Variants in CTXND1 observed in about 807,000 individuals in gnomAD.
CTXND1 encodes the protein cortexin domain-containing 1 protein.
At chr15:80,224,427 G>A (rs1484186072) in intron 1 of CTXND1, among the ~76,000 whole-genome samples, 3 of 152,178 alleles carry the variant, frequency 2.0e-5, no homozygotes, top group Non-Finnish European at 4.4e-5. Flanking sequence ...CTATTCCATT[G>A]TCCTTCTTTT....
At position 80,196,384 on chromosome 15, in the gene CTXND1, C is replaced by T. The variant is rs1189459293; in HGVS notation, c.*5386G>A. On this transcript the variant is annotated 3_prime_UTR_variant, in exon 3 of 3. Coordinates refer to ENST00000560778, the MANE Select transcript of CTXND1 (RefSeq NM_001352888.2). The stretch of plus-strand genomic sequence containing the variant: ...GTGGATGAAGATTTGGGTCATTCCA[C>T]CAGATAAAATTCTCCAACAGCTAAG... 6.6e-6 allele frequency: 1 copy of T among 152,156 alleles called. No homozygotes were observed. Among genetic ancestry groups the T allele is most frequent in the Non-Finnish European group, 1.5e-5 (1 of 68,044 alleles). The allele number at this position is 152,156 out of a possible 1,614,324, so 9.4% of individuals were successfully genotyped here. A position where few individuals can be genotyped will look rare whatever the true frequency, so the allele number is the denominator to read the frequency against.
At chr15:80,234,120 C>T (rs1025372199) in intron 1 of CTXND1, among the ~76,000 whole-genome samples, 3 of 152,174 alleles carry the variant, frequency 2.0e-5, no homozygotes, top group African/African-American at 7.2e-5. Context: ...GGACTAGGTC[C>T]TTTGTGTGCA....
At chr15:80,223,121 C>T (rs1207725840) in intron 1 of CTXND1, among the ~76,000 whole-genome samples, 1 of 152,066 alleles carries the variant, frequency 6.6e-6, no homozygotes, top group Non-Finnish European at 1.5e-5. Context: ...TCTTGTTGCC[C>T]AGGCTGGAAT....
chr15:80,235,943 G>A (rs1324325072), intron 1 of CTXND1, among the ~76,000 whole-genome samples: 3 of 149,234 alleles, frequency 2.0e-5, no homozygotes, highest in Middle Eastern at 3.4e-3. Context: ...AAGAGTGTCG[G>A]GTTCCTAGTC....
At position 80,219,648 on chromosome 15, in the gene CTXND1, G is replaced by A. The variant is rs143370186; in HGVS notation, c.-217-15908C>T. On this transcript the variant is annotated intron_variant, in intron 1 of 2. Coordinates refer to ENST00000560778, the MANE Select transcript of CTXND1 (RefSeq NM_001352888.2). ...ATTCCTAATCTCACAGTCACCAGCA[G>A]TACCTGGGAGCTCCTGCCACTTCAT... 5.9e-5 allele frequency among the ~76,000 whole-genome samples: 9 copies of A among 152,274 alleles called. No homozygotes were observed. The East Asian group carries it at 1.7e-3, about 29-fold the overall frequency.
intron 1 of CTXND1, among the ~76,000 whole-genome samples, chr15:80,235,441 C>G (rs1893484526): frequency 6.6e-6 from 1 of 152,194 alleles, no homozygotes; most frequent in South Asian, 2.1e-4. Flanking sequence ...GGCTTAGCAT[C>G]TCCGAAAGAG....
intron 1 of CTXND1, among the ~76,000 whole-genome samples, chr15:80,210,228 G>A (rs1010500146): frequency 6.6e-6 from 1 of 152,188 alleles, no homozygotes; most frequent in African/African-American, 2.4e-5. Context: ...TGGGGGCAAG[G>A]TGGGCATGAG....
chr15:80,247,053 G>T (rs371736165), intron 1 of CTXND1, among the ~76,000 whole-genome samples: 27 of 152,160 alleles, frequency 1.8e-4, no homozygotes, highest in African/African-American at 6.0e-4. Flanking sequence ...TTTTACCCAT[G>T]AGAAAATTGA....
intron 1 of CTXND1, among the ~76,000 whole-genome samples, chr15:80,228,635 A>ATTTTTTTT (rs1444456548): frequency 2.0e-5 from 1 of 49,708 alleles, no homozygotes; most frequent in Non-Finnish European, 3.9e-5. Context: ...AAAATCTGAA[A>ATTTTTTTT]CTTTTTTTTT....
chr15:80,218,958 G>A (rs749841435), intron 1 of CTXND1, among the ~76,000 whole-genome samples: 1 of 150,672 alleles, frequency 6.6e-6, no homozygotes, highest in East Asian at 1.9e-4. Context: ...TTGAGACAGG[G>A]TCTTGTGCTG....
intron 1 of CTXND1, among the ~76,000 whole-genome samples, chr15:80,217,620 C>T (rs1893267852): frequency 6.6e-6 from 1 of 151,986 alleles, no homozygotes; most frequent in Admixed American, 6.6e-5. Context: ...AATCTCAGCT[C>T]ACTGCAAGTT....
chr15:80,224,666 T>C (rs981360588), intron 1 of CTXND1, among the ~76,000 whole-genome samples: 1 of 152,206 alleles, frequency 6.6e-6, no homozygotes, highest in East Asian at 1.9e-4. Context: ...ATCTTAGCAA[T>C]ATCAAGTGAC....
At chr15:80,228,087 C>T (rs1049252402) in intron 1 of CTXND1, among the ~76,000 whole-genome samples, 2 of 152,232 alleles carry the variant, frequency 1.3e-5, no homozygotes, top group Non-Finnish European at 2.9e-5. Flanking sequence ...TTTCTTTGCT[C>T]ATCCATAAGA....
intron 1 of CTXND1, among the ~76,000 whole-genome samples, chr15:80,214,631 G>A (rs1595905066): frequency 6.6e-6 from 1 of 152,150 alleles, no homozygotes; most frequent in African/African-American, 2.4e-5. Flanking sequence ...TGAGGTGAGT[G>A]ACAGCTGTTT....
In CTXND1 at chr15:80,221,136, G is replaced by C. The variant is rs550961620; in HGVS notation, c.-217-17396C>G. On this transcript the variant is annotated intron_variant, in intron 1 of 2. Coordinates refer to ENST00000560778, the MANE Select transcript of CTXND1 (RefSeq NM_001352888.2). ...ATGTTAGCCAGGATGGTTTCGATTTGCTGACCTCGTGATCCGCCCGCCTCG... is the reference window on the plus strand; with the variant it reads ...ATGTTAGCCAGGATGGTTTCGATTTCCTGACCTCGTGATCCGCCCGCCTCG... 6.2e-4 allele frequency among the ~76,000 whole-genome samples: 95 copies of C among 152,008 alleles called. 2 individuals carry two copies. Among genetic ancestry groups the C allele is most frequent in the Admixed American group, 2.6e-3 (39 of 15,282 alleles).
chr15:80,198,094 A>G lies in CTXND1; in HGVS notation c.*3676T>C, dbSNP rs960537510. 6.6e-6 allele frequency: 1 copy of G among 152,184 alleles called. No homozygotes were observed. The highest frequency in any genetic ancestry group is 6.5e-5 in the Admixed American group (1 of 15,280). The allele number at this position is 152,184 out of a possible 1,614,324, so 9.4% of individuals were successfully genotyped here. A position where few individuals can be genotyped will look rare whatever the true frequency, so the allele number is the denominator to read the frequency against. ...ACTCTTGGTTCTGCATATTTCTGCT[A>G]CCCCACTTGTCTCTGGGACTGTTGG... On this transcript the variant is annotated 3_prime_UTR_variant, in exon 3 of 3. Transcript: ENST00000560778.
At chr15:80,215,240 G>T (rs1398907838) in intron 1 of CTXND1, among the ~76,000 whole-genome samples, 1 of 152,130 alleles carries the variant, frequency 6.6e-6, no homozygotes, top group Admixed American at 6.6e-5. Context: ...CCATATTGGG[G>T]GTACCATTTC....
intron 1 of CTXND1, among the ~76,000 whole-genome samples, chr15:80,220,607 T>TTTG (rs1893304467): frequency 6.6e-6 from 1 of 152,218 alleles, no homozygotes. Flanking sequence ...TGCGATTACA[T>TTTG]TGCATTTATG....
chr15:80,206,505 T>G (rs531730827), intron 1 of CTXND1, among the ~76,000 whole-genome samples: 1 of 152,306 alleles, frequency 6.6e-6, no homozygotes, highest in African/African-American at 2.4e-5. Flanking sequence ...TTGAAGTAAA[T>G]ATACTCATTT....
Sources: allele counts gnomAD v4.1 joint callset (sites outside exome capture counted in the v4.1 genomes callset), GRCh38; gene constraint gnomAD v4.1.1; transcripts MANE v1.5; gene names NCBI Gene and HGNC (gene_info 2026-07-23, HGNC 2026-07-21).